The following LNX1 variants were observed in gnomAD, a reference collection of about 807,000 sequenced individuals.
LNX1 encodes E3 ubiquitin-protein ligase LNX.
A neutral mutation model predicts 68.4 loss-of-function variants in LNX1; 54 were observed. The observed-to-expected ratio is 0.79, with a 90% CI of 0.63 to 0.99. The LOEUF (loss-of-function observed/expected upper bound fraction) is 0.99. LNX1 is among the 50% of genes least tolerant of loss of function. The pLI is 0.00. For synonymous variants in LNX1, 336 were observed against 350.0 expected, an observed-to-expected ratio of 0.96 and a Z score of 0.45; for missense variants, 906 against 926.4, an observed-to-expected ratio of 0.98 and a Z score of 0.29.
At chr4:53,566,401 C>T (rs1316087073) in intron 2 of LNX1, among the ~76,000 whole-genome samples, 1 of 151,882 alleles carries the variant, frequency 6.6e-6, no homozygotes, top group Non-Finnish European at 1.5e-5. Context: ...CCAAACTAAG[C>T]TTCAGAAGTG....
intron 2 of LNX1, among the ~76,000 whole-genome samples, chr4:53,513,319 A>T (rs1464657152): frequency 6.6e-6 from 1 of 152,080 alleles, no homozygotes; most frequent in Non-Finnish European, 1.5e-5. Flanking sequence ...CCTATTAGTT[A>T]TACCACCTCA....
chr4:53,563,784 C>T (rs773646896), intron 2 of LNX1, among the ~76,000 whole-genome samples: 4 of 152,208 alleles, frequency 2.6e-5, no homozygotes, highest in African/African-American at 4.8e-5. Flanking sequence ...CCACCCGCCT[C>T]GGCCTCCCAA....
At chr4:53,597,792 C>A (rs1273961712) in intron 2 of LNX1, among the ~76,000 whole-genome samples, 7 of 152,140 alleles carry the variant, frequency 4.6e-5, no homozygotes, top group Admixed American at 6.5e-5. Context: ...CAAAATTATT[C>A]TTTTAAAATT....
At chr4:53,627,054 C>G (rs1033839373) in intron 1 of LNX1, among the ~76,000 whole-genome samples, 6 of 152,174 alleles carry the variant, frequency 3.9e-5, no homozygotes, top group African/African-American at 1.4e-4. Context: ...CACGCTTCTG[C>G]AGGAGTTCCT....
intron 2 of LNX1, among the ~76,000 whole-genome samples, chr4:53,569,175 A>G (rs1240387082): frequency 6.6e-6 from 1 of 152,126 alleles, no homozygotes; most frequent in Non-Finnish European, 1.5e-5. Context: ...TAAAGTTCAT[A>G]TGGAACCAAA....
At chr4:53,542,075 G>T (rs1728800049) in intron 2 of LNX1, among the ~76,000 whole-genome samples, 1 of 152,194 alleles carries the variant, frequency 6.6e-6, no homozygotes, top group Non-Finnish European at 1.5e-5. Context: ...CACTCAGGGG[G>T]ATGTCAGAAG....
rs575051377 is a variant in LNX1, at chr4:53,550,845, A to G, written c.380+22778T>C. On this transcript the variant is annotated intron_variant, in intron 2 of 10. Coordinates refer to ENST00000263925, the MANE Select transcript of LNX1 (RefSeq NM_001126328.3). ...TGGTCTTGCCACACAGCCTTCACCT[A>G]GAGAAGGGGATACTGAAAAGCCAGA... Among the ~76,000 whole-genome samples, 4 of 152,294 alleles carry G rather than the reference A, an allele frequency of 2.6e-5. No individual in the cohort carries two copies. The East Asian group carries it at 7.7e-4, about 29-fold the overall frequency.
At chr4:53,544,595 T>A (rs1475045108) in intron 2 of LNX1, among the ~76,000 whole-genome samples, 2 of 152,210 alleles carry the variant, frequency 1.3e-5, no homozygotes, top group Non-Finnish European at 2.9e-5. Context: ...GGTGGGTACT[T>A]CAGGGAAGAC....
intron 2 of LNX1, among the ~76,000 whole-genome samples, chr4:53,561,765 A>T (rs1730305140): frequency 1.3e-5 from 2 of 152,186 alleles, no homozygotes; most frequent in African/African-American, 4.8e-5. Context: ...CTCATTTCAA[A>T]TTATTGAACA....
intron 7 of LNX1, among the ~76,000 whole-genome samples, chr4:53,479,926 C>T (rs879143758): frequency 6.6e-6 from 1 of 152,216 alleles, no homozygotes; most frequent in Admixed American, 6.5e-5. Context: ...TGCACTTAGT[C>T]GCTCTATGAC....
At chr4:53,466,221 T>C (rs1256070222) in intron 9 of LNX1, among the ~76,000 whole-genome samples, 2 of 152,226 alleles carry the variant, frequency 1.3e-5, no homozygotes, top group East Asian at 3.8e-4. Context: ...AGGTATGTCT[T>C]GTCTTGATAA....
intron 2 of LNX1, among the ~76,000 whole-genome samples, chr4:53,609,777 A>G (rs1389296310): frequency 1.4e-5 from 2 of 144,240 alleles, no homozygotes; most frequent in African/African-American, 2.5e-5. Context: ...TATATTATAT[A>G]TAATATATTA....
At chr4:53,489,245 G>A (rs1447325055) in intron 6 of LNX1, among the ~76,000 whole-genome samples, 1 of 152,106 alleles carries the variant, frequency 6.6e-6, no homozygotes, top group African/African-American at 2.4e-5. Flanking sequence ...ATAGTAAATA[G>A]GATCTTAAGA....
At chr4:53,578,318 A>C (rs1207158119) in intron 1 of LNX1, among the ~76,000 whole-genome samples, 1 of 152,100 alleles carries the variant, frequency 6.6e-6, no homozygotes, top group Admixed American at 6.5e-5. Flanking sequence ...TTGGGTGAAC[A>C]TCATAGAGTG....
intron 2 of LNX1, among the ~76,000 whole-genome samples, chr4:53,551,184 T>C (rs12647093): frequency 0.18 from 26,725 of 152,088 alleles, 2,576 homozygotes; most frequent in East Asian, 0.37. Flanking sequence ...AGGCTGCCCA[T>C]AACTCTTACC....
intron 9 of LNX1, among the ~76,000 whole-genome samples, chr4:53,462,982 A>AT (rs1278968462): frequency 6.6e-6 from 1 of 152,158 alleles, no homozygotes; most frequent in Non-Finnish European, 1.5e-5. Flanking sequence ...ATACCAAAGC[A>AT]TTACATTCCC....
chr4:53,497,728 G>A (rs1725168272), intron 5 of LNX1, among the ~76,000 whole-genome samples: 1 of 152,222 alleles, frequency 6.6e-6, no homozygotes, highest in African/African-American at 2.4e-5. Context: ...GTAGCTGATT[G>A]TACTGCGGCC....
chr4:53,461,697 C>T, intron 9 of LNX1, 104 bp from the exon 10 acceptor site: 1 of 813,868 alleles, frequency 1.2e-6, no homozygotes, highest in Non-Finnish European at 1.9e-6. Context: ...TTTTTAATGG[C>T]TAAGTACCAC....
chr4:53,477,061 C>T, intron 8 of LNX1, 80 bp from the exon 9 acceptor site: 1 of 1,220,598 alleles, frequency 8.2e-7, no homozygotes, highest in Non-Finnish European at 1.2e-6. Flanking sequence ...GGGATAGGGG[C>T]TGACTGGGAT....
Sources: gnomAD v4.1 joint callset for allele counts (sites outside exome capture counted in the v4.1 genomes callset) on GRCh38, gnomAD v4.1.1 for gene constraint, MANE v1.5 for transcripts, NCBI Gene and HGNC (gene_info 2026-07-23, HGNC 2026-07-21) for gene names.